The following LRRC49 variants were observed in gnomAD, a reference collection of about 807,000 sequenced individuals.
The protein encoded by LRRC49 is leucine rich repeat containing 49.
In LRRC49, 50 loss-of-function variants were observed where a neutral mutation model predicts 83.3. That is an observed-to-expected ratio of 0.60 (90% CI 0.48 to 0.76). The LOEUF (loss-of-function observed/expected upper bound fraction) is 0.76, where lower values mean the gene tolerates loss of function less well. Ranked by LOEUF, LRRC49 falls within the 30% of genes least tolerant of loss-of-function variation. The probability of loss-of-function intolerance (pLI) is 0.00; values close to 1 mark genes in which losing one functional copy is unlikely to be tolerated. For missense variants in LRRC49, 704 were observed against 809.1 expected (o/e 0.87, Z 1.58); for synonymous variants, 286 against 283.3 (o/e 1.01, Z -0.10).
At chr15:71,015,632 A>G (rs2038801799) in intron 14 of LRRC49, among the ~76,000 whole-genome samples, 1 of 152,218 alleles carries the variant, frequency 6.6e-6, no homozygotes, top group South Asian at 2.1e-4. Flanking sequence ...CAGGCTGTGG[A>G]CTAGGGCTCG....
chr15:70,887,986 G>C (rs1272147027), upstream of LRRC49, among the ~76,000 whole-genome samples: 2 of 152,072 alleles, frequency 1.3e-5, no homozygotes, highest in Non-Finnish European at 1.5e-5. Flanking sequence ...TCTAATGAAA[G>C]ATATGTAAGA....
At chr15:70,882,947 AC>A in intron 2 of LRRC49, 1 of 1,606,444 alleles carries the variant, frequency 6.2e-7, no homozygotes. Flanking sequence ...ATTAAAGTGT[AC>A]CTTATAGGAT....
intron 14 of LRRC49, among the ~76,000 whole-genome samples, chr15:71,021,992 G>A (rs1224180142): frequency 2.6e-5 from 4 of 152,172 alleles, no homozygotes; most frequent in East Asian, 3.8e-4. Flanking sequence ...TTTAAAGGAC[G>A]TGGATGCAAG....
intron 15 of LRRC49, among the ~76,000 whole-genome samples, chr15:71,044,859 C>T (rs1481976498): frequency 6.7e-6 from 1 of 149,302 alleles, no homozygotes; most frequent in East Asian, 2.0e-4. Flanking sequence ...GGAAAACATA[C>T]TAATGTTCTC....
chr15:70,895,993 G>T, intron 3 of LRRC49, 57 bp downstream of exon 3: 1 of 971,866 alleles, frequency 1.0e-6, no homozygotes, highest in Non-Finnish European at 1.6e-6. Context: ...AATATTAAGT[G>T]TTTAATAATG....
At chr15:70,985,783 A>G (rs752408993) in intron 11 of LRRC49, among the ~76,000 whole-genome samples, 1 of 148,192 alleles carries the variant, frequency 6.7e-6, no homozygotes, top group Admixed American at 6.8e-5. Context: ...TAAGTCTTTA[A>G]TCCATCTTGA....
intron 11 of LRRC49, among the ~76,000 whole-genome samples, chr15:71,007,646 T>TA (rs1454086251): frequency 6.6e-5 from 10 of 150,432 alleles, no homozygotes; most frequent in Non-Finnish European, 7.4e-5. Context: ...TAGCCTTATA[T>TA]AAAAAATGTG....
Position 70,986,685 on chromosome 15 carries a change from G to A in LRRC49, c.1169+2428G>A, listed in dbSNP as rs1013802991. ...TCCAACACTGTGTTGAATAGGAGTGGTGAGAGAGGGCATCCCTGTCTTGTG... is the reference window on the plus strand; with the variant it reads ...TCCAACACTGTGTTGAATAGGAGTGATGAGAGAGGGCATCCCTGTCTTGTG... On this transcript the variant is annotated intron_variant, in intron 11 of 15. Coordinates refer to ENST00000260382, the MANE Select transcript of LRRC49 (RefSeq NM_017691.5). Among the ~76,000 whole-genome samples, 279 of 152,236 alleles carry A rather than the reference G, an allele frequency of 1.8e-3. 2 individuals are homozygous for A. Among genetic ancestry groups the A allele is most frequent in the African/African-American group, 6.6e-3 (274 of 41,530 alleles).
chr15:71,043,910 TTAA>T (rs1567114857), intron 15 of LRRC49, among the ~76,000 whole-genome samples: 1 of 152,250 alleles, frequency 6.6e-6, no homozygotes, highest in Non-Finnish European at 1.5e-5. Flanking sequence ...TCTTCCAATC[TTAA>T]TAATAGAATT....
At chr15:71,004,442 G>A (rs2038381013) in intron 11 of LRRC49, among the ~76,000 whole-genome samples, 2 of 152,170 alleles carry the variant, frequency 1.3e-5, no homozygotes, top group Non-Finnish European at 2.9e-5. Flanking sequence ...TTGAGGTCAG[G>A]AGTTCGAGAC....
intron 15 of LRRC49, among the ~76,000 whole-genome samples, chr15:71,037,991 A>C (rs974299532): frequency 6.6e-6 from 1 of 152,142 alleles, no homozygotes; most frequent in Non-Finnish European, 1.5e-5. Flanking sequence ...AGGAAAGCTG[A>C]AGAAACAACT....
chr15:70,993,031 A>C (rs1397776116), intron 11 of LRRC49, among the ~76,000 whole-genome samples: 1 of 152,196 alleles, frequency 6.6e-6, no homozygotes, highest in Non-Finnish European at 1.5e-5. Flanking sequence ...GGTTCCACCC[A>C]GCTCGAGCTT....
chr15:70,926,314 A>G (rs1596027677), intron 7 of LRRC49, among the ~76,000 whole-genome samples: 1 of 152,096 alleles, frequency 6.6e-6, no homozygotes, highest in African/African-American at 2.4e-5. Flanking sequence ...CCTGGGCTCA[A>G]CTGATCCTCC....
At chr15:71,047,302 T>C (rs545252790) in intron 15 of LRRC49, among the ~76,000 whole-genome samples, 161 of 152,378 alleles carry the variant, frequency 1.1e-3, no homozygotes, top group African/African-American at 3.7e-3. Context: ...ATGATATTGA[T>C]TCTTCCAATC....
intron 11 of LRRC49, among the ~76,000 whole-genome samples, chr15:70,995,704 A>G (rs550985996): frequency 1.5e-4 from 23 of 152,332 alleles, no homozygotes; most frequent in Admixed American, 4.6e-4. Context: ...CGTGACTTTC[A>G]TGACATTTTG....
intron 9 of LRRC49, among the ~76,000 whole-genome samples, chr15:70,970,134 A>G (rs2036941447): frequency 6.6e-6 from 1 of 152,152 alleles, no homozygotes. Context: ...AGCTCTTATT[A>G]TTTTGAGATA....
intron 2 of LRRC49, among the ~76,000 whole-genome samples, chr15:70,883,405 G>C (rs1411096599): frequency 1.3e-5 from 2 of 152,020 alleles, no homozygotes; most frequent in East Asian, 3.9e-4. Context: ...TGTTAGCCAG[G>C]CTGGTCTCGA....
At chr15:70,932,985 TC>T (rs371951432) in intron 7 of LRRC49, among the ~76,000 whole-genome samples, 15 of 152,140 alleles carry the variant, frequency 9.9e-5, no homozygotes, top group African/African-American at 3.6e-4. Flanking sequence ...CCACCTCACC[TC>T]CCAAATTGCT....
At chr15:70,993,310 C>T (rs562538219) in intron 11 of LRRC49, among the ~76,000 whole-genome samples, 2 of 152,192 alleles carry the variant, frequency 1.3e-5, no homozygotes, top group Admixed American at 6.5e-5. Context: ...AAAGGGAATT[C>T]CCTGACCCTT....
Sources: allele counts gnomAD v4.1 joint callset (sites outside exome capture counted in the v4.1 genomes callset), GRCh38; gene constraint gnomAD v4.1.1; transcripts MANE v1.5; gene names NCBI Gene and HGNC (gene_info 2026-07-23, HGNC 2026-07-21).